XDH: variants seen among roughly 807,000 people sequenced by gnomAD.
XDH encodes xanthine dehydrogenase/oxidase.
XDH carries 138 observed loss-of-function variants against 156.1 expected under a neutral mutation model. The observed-to-expected ratio is 0.88, with a 90% confidence interval of 0.77 to 1.02. The LOEUF (loss-of-function observed/expected upper bound fraction) is 1.02, where lower values mean the gene tolerates loss of function less well. Ranked by LOEUF, XDH falls within the 50% of genes least tolerant of loss-of-function variation. XDH has a pLI of 0.00. For synonymous variants in XDH, 669 were observed against 625.7 expected (o/e 1.07, Z -1.03); for missense variants, 1,849 against 1,684.9 (o/e 1.10, Z -1.71).
rs752506612 is a variant in XDH, at chr2:31,339,697, C to T, written c.3586-20G>A. 1.9e-6 allele frequency: 3 copies of T among 1,612,506 alleles called. No individual in the cohort carries two copies. The South Asian group carries it at 3.3e-5, about 18-fold the overall frequency. The stretch of plus-strand genomic sequence containing the variant: ...TTCCACCTGCAGGATGGATGGAGAG[C>T]ACAGTTAGCCTGCCACCTTCTTCCC... On this transcript the variant is annotated intron_variant, in intron 33 of 35. Coordinates refer to ENST00000379416, the MANE Select transcript of XDH (RefSeq NM_000379.4).
chr2:31,389,843 TAA>T (rs898164517), intron 6 of XDH, among the ~76,000 whole-genome samples: 1 of 150,850 alleles, frequency 6.6e-6, no homozygotes, highest in African/African-American at 2.4e-5. Flanking sequence ...CTGGTGCCTT[TAA>T]AAAAAAAAGT....
At chr2:31,348,400 T>C (rs1345817508) in intron 27 of XDH, 37 bp from the exon 28 acceptor site, 2 of 1,599,948 alleles carry the variant, frequency 1.3e-6, no homozygotes, top group East Asian at 4.5e-5. Context: ...CAAAATTCAG[T>C]AAAATCCAAC....
intron 24 of XDH, among the ~76,000 whole-genome samples, chr2:31,360,630 C>T (rs1685751264): frequency 6.6e-6 from 1 of 152,176 alleles, no homozygotes; most frequent in African/African-American, 2.4e-5. Flanking sequence ...ACTACCTGCC[C>T]CTTAGCCGCT....
chr2:31,414,233 G>A (rs1370646682), intron 1 of XDH, among the ~76,000 whole-genome samples: 2 of 152,036 alleles, frequency 1.3e-5, no homozygotes, highest in Non-Finnish European at 2.9e-5. Context: ...TCTGTAAAGA[G>A]AGCAACGTAA....
rs112466737 is a variant in XDH, at chr2:31,386,536, C to G, written c.671G>C (p.Arg224Pro). ...CTCCCCTTCAAATCGCAGCTGCTTC[C>G]GAGGAGTGTCTTTCAGCCTCTGGGA... The part of the protein sequence containing the change: ...PELLRLKDTP[R>P]KQLRFEGERV... Residue 224 changes from arginine (R) to proline (P), a missense_variant, in exon 9 of 36, where the codon CGG becomes CCG. Coordinates refer to ENST00000379416, the MANE Select transcript of XDH (RefSeq NM_000379.4). 6.2e-7 allele frequency: 1 copy of G among 1,614,114 alleles called. No individual in the cohort carries two copies. The highest frequency in any genetic ancestry group is 8.5e-7 in the Non-Finnish European group (1 of 1,180,006).
intron 1 of XDH, 126 bp downstream of exon 1, chr2:31,414,499 G>A: frequency 7.2e-7 from 1 of 1,383,664 alleles, no homozygotes; most frequent in Non-Finnish European, 1.0e-6. Context: ...TTTAAAGCGA[G>A]AGAGAGAAAG....
intron 24 of XDH, among the ~76,000 whole-genome samples, chr2:31,360,843 G>T (rs1263503764): frequency 6.7e-6 from 1 of 148,600 alleles, no homozygotes; most frequent in African/African-American, 2.6e-5. Flanking sequence ...TGCAGATAAG[G>T]GGAGATGACT....
At chr2:31,401,792 G>C (rs1378821122) in intron 3 of XDH, among the ~76,000 whole-genome samples, 1 of 152,178 alleles carries the variant, frequency 6.6e-6, no homozygotes, top group East Asian at 1.9e-4. Flanking sequence ...AAAGGGGGAG[G>C]AAACCCCCAG....
At chr2:31,370,255 A>G in intron 18 of XDH, 100 bp downstream of exon 18, 1 of 1,412,918 alleles carries the variant, frequency 7.1e-7, no homozygotes, top group South Asian at 1.2e-5. Context: ...AATCCATGCA[A>G]ATGTATAACC....
intron 34 of XDH, 35 bp from the exon 35 acceptor site, chr2:31,337,852 G>A: frequency 6.2e-7 from 1 of 1,607,340 alleles, no homozygotes; most frequent in Non-Finnish European, 8.5e-7. Context: ...AGGGGCTCAG[G>A]CAGGTGGTCC....
chr2:31,366,643 C>G (rs1470954649), intron 21 of XDH, among the ~76,000 whole-genome samples: 1 of 152,122 alleles, frequency 6.6e-6, no homozygotes, highest in Non-Finnish European at 1.5e-5. Context: ...GACAACCCAC[C>G]CAGGCCCCAT....
chr2:31,403,886 C>A (rs1355626076), intron 2 of XDH, among the ~76,000 whole-genome samples: 1 of 152,136 alleles, frequency 6.6e-6, no homozygotes, highest in Non-Finnish European at 1.5e-5. Flanking sequence ...ACCTGCAGGC[C>A]TCTAAGCCAC....
chr2:31,393,112 G>T (rs1159977159), intron 6 of XDH, among the ~76,000 whole-genome samples: 1 of 152,190 alleles, frequency 6.6e-6, no homozygotes, highest in African/African-American at 2.4e-5. Context: ...TTCTGCTGTT[G>T]TTGGCTAAAG....
In XDH at chr2:31,375,565, G is replaced by A. The variant is rs1434093353; in HGVS notation, c.1428-11C>T. On this transcript the variant is annotated splice_polypyrimidine_tract_variant and intron_variant, in intron 14 of 35. Transcript: ENST00000379416. ...TCCTCCTTCCAGAGCCTGCCAGAGA[G>A]CAGGGCGTGGGACAGCGCTCCCGCC... 6.2e-7 allele frequency: 1 copy of A among 1,612,324 alleles called. No homozygotes were observed. The highest frequency in any genetic ancestry group is 8.5e-7 in the Non-Finnish European group (1 of 1,179,868).
intron 21 of XDH, 73 bp downstream of exon 21, chr2:31,366,797 C>T: frequency 6.2e-7 from 1 of 1,610,938 alleles, no homozygotes; most frequent in Non-Finnish European, 8.5e-7. Flanking sequence ...CTATTTCCCA[C>T]ATGGCCCTCC....
chr2:31,370,531 C>G, intron 17 of XDH, 53 bp from the exon 18 acceptor site: 1 of 1,609,982 alleles, frequency 6.2e-7, no homozygotes, highest in African/African-American at 1.3e-5. Flanking sequence ...AGCAGGGGAC[C>G]CATCACCTGG....
intron 34 of XDH, among the ~76,000 whole-genome samples, chr2:31,338,621 T>C (rs1314233184): frequency 6.6e-6 from 1 of 151,966 alleles, no homozygotes; most frequent in East Asian, 1.9e-4. Context: ...TAGGATTATA[T>C]GCATCAGCTA....
At position 31,403,125 on chromosome 2, in the gene XDH, C is replaced by T. The variant is rs1687106172; in HGVS notation, c.120G>A (p.Lys40=). Residue 40 remains lysine (K), a synonymous_variant, in exon 3 of 36, where the codon AAG becomes AAA. Transcript: ENST00000379416. ...LRRKLGLSGT[K]LGCGEGGCGA... is the part of the protein sequence containing the mutation. ...CGCAGCCCCCCTCTCCACAGCCGAGCTTGGTTCCACTCAGCCCCACTGGGT... is the reference window on the plus strand; with the variant it reads ...CGCAGCCCCCCTCTCCACAGCCGAGTTTGGTTCCACTCAGCCCCACTGGGT... The T allele has an allele frequency of 1.2e-6, 2 of 1,614,150 alleles. No individual in the cohort carries two copies. Among genetic ancestry groups the T allele is most frequent in the South Asian group, 1.1e-5 (1 of 91,084 alleles).
chr2:31,345,603 T>C (rs189635119), intron 30 of XDH, among the ~76,000 whole-genome samples: 7 of 152,282 alleles, frequency 4.6e-5, no homozygotes, highest in African/African-American at 1.7e-4. Context: ...ATTAGCCTCA[T>C]TTTACAGATG....
Sources: gnomAD v4.1 joint callset for allele counts (sites outside exome capture counted in the v4.1 genomes callset) on GRCh38, gnomAD v4.1.1 for gene constraint, MANE v1.5 for transcripts, NCBI Gene and HGNC (gene_info 2026-07-23, HGNC 2026-07-21) for gene names.